The following TANC2 variants were observed in gnomAD, a reference collection of about 807,000 sequenced individuals.
TANC2 encodes protein TANC2.
In TANC2, 26 loss-of-function variants were observed where a neutral mutation model predicts 210.5. The ratio of observed to expected loss-of-function variants is 0.12; its 90% confidence interval spans 0.09 to 0.17. The LOEUF is 0.17. TANC2 is among the 10% of genes least tolerant of loss of function. TANC2 has a pLI of 1.00. For missense variants in TANC2, 2,129 were observed against 2,608.9 expected, an observed-to-expected ratio of 0.82 and a Z score of 4.01; for synonymous variants, 931 against 967.1, an observed-to-expected ratio of 0.96 and a Z score of 0.69.
At chr17:63,406,179 G>A (rs1319565162) in exon 21 of TANC2, 1 of 1,613,930 alleles carries the variant, frequency 6.2e-7, no homozygotes, top group Admixed American at 1.7e-5. Context: ...CTCACCCATG[G>A]AGCTGATGTC....
At chr17:63,414,886 C>T (rs949015903) in intron 25 of TANC2, among the ~76,000 whole-genome samples, 1 of 152,222 alleles carries the variant, frequency 6.6e-6, no homozygotes, top group Non-Finnish European at 1.5e-5. Context: ...GATTTACTTC[C>T]TCTTGGATAA....
intron 16 of TANC2, among the ~76,000 whole-genome samples, chr17:63,389,024 T>C (rs959545859): frequency 6.6e-6 from 1 of 152,234 alleles, no homozygotes; most frequent in African/African-American, 2.4e-5. Context: ...AGGTAGCCTT[T>C]GTCTTGGTAG....
intron 12 of TANC2, among the ~76,000 whole-genome samples, chr17:63,347,594 T>G (rs2046455247): frequency 6.6e-6 from 1 of 152,220 alleles, no homozygotes; most frequent in African/African-American, 2.4e-5. Context: ...AAATTATGTA[T>G]TTTCTTTGAA....
chr17:63,309,519 A>G (rs2045045857), intron 9 of TANC2, among the ~76,000 whole-genome samples: 1 of 152,204 alleles, frequency 6.6e-6, no homozygotes, highest in African/African-American at 2.4e-5. Context: ...ATATGACATT[A>G]AAACTAAATC....
intron 7 of TANC2, among the ~76,000 whole-genome samples, chr17:63,233,604 T>G (rs1174477920): frequency 6.6e-6 from 1 of 152,212 alleles, no homozygotes; most frequent in Non-Finnish European, 1.5e-5. Context: ...CAGTGCAGGA[T>G]TCACTCACCA....
chr17:63,211,457 A>G (rs2041882319), intron 7 of TANC2, among the ~76,000 whole-genome samples: 1 of 151,630 alleles, frequency 6.6e-6, no homozygotes, highest in Non-Finnish European at 1.5e-5. Context: ...TTACTATGAT[A>G]TCCTCTCTCC....
At chr17:63,319,651 G>A (rs964893260) in intron 11 of TANC2, among the ~76,000 whole-genome samples, 4 of 152,124 alleles carry the variant, frequency 2.6e-5, no homozygotes, top group East Asian at 3.9e-4. Context: ...GCACCCAACC[G>A]GAAGTGGTAT....
chr17:63,369,553 CTTT>C (rs36014004), intron 14 of TANC2, among the ~76,000 whole-genome samples: 3 of 131,184 alleles, frequency 2.3e-5, no homozygotes, highest in South Asian at 2.4e-4. Flanking sequence ...ATAATTTCAG[CTTT>C]TTTTTTTTTT....
At chr17:63,176,250 A>G (rs112629257) in intron 5 of TANC2, among the ~76,000 whole-genome samples, 1,680 of 152,356 alleles carry the variant, frequency 0.011, 29 homozygotes, top group African/African-American at 0.037. Flanking sequence ...ATGGACATTT[A>G]TAGCACTTTT....
intron 6 of TANC2, among the ~76,000 whole-genome samples, chr17:63,199,089 TAA>T (rs1387559115): frequency 6.6e-6 from 1 of 152,144 alleles, no homozygotes; most frequent in African/African-American, 2.4e-5. Flanking sequence ...CAGAGATGAT[TAA>T]ACACAAGGGA....
At chr17:63,145,645 C>A (rs2039438823) in intron 4 of TANC2, among the ~76,000 whole-genome samples, 1 of 151,980 alleles carries the variant, frequency 6.6e-6, no homozygotes, top group Non-Finnish European at 1.5e-5. Context: ...TCCTCAAAAC[C>A]ATTTGTTGAA....
intron 11 of TANC2, among the ~76,000 whole-genome samples, chr17:63,334,575 A>G (rs1368927940): frequency 6.6e-6 from 1 of 152,226 alleles, no homozygotes; most frequent in Non-Finnish European, 1.5e-5. Flanking sequence ...AACACTCAGG[A>G]AATACTGCTG....
intron 4 of TANC2, among the ~76,000 whole-genome samples, chr17:63,107,376 CAAAT>C (rs997962851): frequency 2.6e-5 from 4 of 151,422 alleles, no homozygotes; most frequent in Non-Finnish European, 5.9e-5. Flanking sequence ...ATATTAAACA[CAAAT>C]AAAAAAGTTT....
intron 2 of TANC2, among the ~76,000 whole-genome samples, chr17:63,010,044 A>G (rs1196136577): frequency 6.6e-6 from 1 of 152,176 alleles, no homozygotes; most frequent in Non-Finnish European, 1.5e-5. Context: ...TATAGCCATT[A>G]AAATAAAGTT....
At chr17:63,345,191 G>A (rs2046360410) in intron 12 of TANC2, among the ~76,000 whole-genome samples, 1 of 152,212 alleles carries the variant, frequency 6.6e-6, no homozygotes, top group Non-Finnish European at 1.5e-5. Context: ...ATAAATGTAT[G>A]AAAGATGTGT....
chr17:63,097,624 T>C (rs1451878677), intron 3 of TANC2, among the ~76,000 whole-genome samples: 1 of 151,874 alleles, frequency 6.6e-6, no homozygotes, highest in African/African-American at 2.4e-5. Flanking sequence ...TAAAATTTGA[T>C]TTGGGCCACA....
intron 6 of TANC2, among the ~76,000 whole-genome samples, chr17:63,196,011 A>G (rs551621059): frequency 3.3e-5 from 5 of 152,204 alleles, no homozygotes; most frequent in African/African-American, 1.2e-4. Flanking sequence ...TCACTTATTC[A>G]GTGTTCTGCC....
chr17:63,261,451 T>C (rs571652439), intron 8 of TANC2, among the ~76,000 whole-genome samples: 1 of 152,268 alleles, frequency 6.6e-6, no homozygotes, highest in African/African-American at 2.4e-5. Flanking sequence ...AAGGGGATCC[T>C]GCTCAGCTGA....
At chr17:63,310,244 C>T (rs1416082538) in intron 9 of TANC2, among the ~76,000 whole-genome samples, 1 of 152,164 alleles carries the variant, frequency 6.6e-6, no homozygotes, top group Admixed American at 6.5e-5. Flanking sequence ...GTCAGGAGTT[C>T]GAGACCAGCC....
Sources: gnomAD v4.1 joint callset for allele counts (sites outside exome capture counted in the v4.1 genomes callset) on GRCh38, gnomAD v4.1.1 for gene constraint, MANE v1.5 for transcripts, NCBI Gene and HGNC (gene_info 2026-07-23, HGNC 2026-07-21) for gene names.